XIST: variants seen among roughly 807,000 people sequenced by gnomAD.
XIST encodes the protein X inactive specific transcript (non-protein coding).
exon 1 of XIST, chrX:73,847,012 G>A (rs1241743387): frequency 1.8e-6 from 1 of 559,093 alleles, no homozygotes; most frequent in Admixed American, 2.2e-5. Context: ...CAGGAGTCCT[G>A]ATAAAAGGCA....
intron 3 of XIST, chrX:73,833,178 G>A: frequency 1.9e-6 from 1 of 527,414 alleles, no homozygotes; most frequent in Non-Finnish European, 3.4e-6. Flanking sequence ...TTAAAAAGGA[G>A]AGTTGTGGGA....
At chrX:73,841,570 G>C (rs748494937) in exon 1 of XIST, 1 of 558,284 alleles carries the variant, frequency 1.8e-6, no homozygotes, top group African/African-American at 2.2e-5. Context: ...ACATAATCCT[G>C]TGCCACAAAA....
exon 6 of XIST, chrX:73,824,936 A>G: frequency 1.9e-6 from 1 of 540,069 alleles, no homozygotes; most frequent in Non-Finnish European, 3.3e-6. Context: ...ATTTTACAGT[A>G]CCCAAAATAG....
exon 6 of XIST, chrX:73,823,838 A>G (rs778985349): frequency 1.1e-5 from 6 of 556,572 alleles, no homozygotes; most frequent in Middle Eastern, 3.1e-4. Flanking sequence ...TCTCACACCT[A>G]TATTACTTCA....
exon 1 of XIST, chrX:73,849,928 G>A (rs1216768853): frequency 1.8e-6 from 1 of 545,219 alleles, no homozygotes; most frequent in African/African-American, 2.3e-5. Flanking sequence ...GGGTTTGCTG[G>A]GAGCAGGGCT....
In XIST at chrX:73,851,533, G is replaced by C. The variant is rs1254471225; in HGVS notation, n.1191C>G. 10 of 559,054 alleles carry C rather than the reference G, an allele frequency of 1.8e-5. No homozygotes were observed. The South Asian group carries it at 2.2e-4, about 12-fold the overall frequency. The allele number at this position is 559,054 out of a possible 1,213,427, so 46.1% of individuals were successfully genotyped here. ...AACAAAGCACAGCCCGCCATGCTGA[G>C]CAATGCCGCAATGTCAAAATCGCCA... On this transcript the variant is annotated non_coding_transcript_exon_variant, in exon 1 of 6. Coordinates refer to ENST00000429829, the Ensembl canonical transcript of XIST.
exon 1 of XIST, chrX:73,844,329 A>G (rs769814046): frequency 3.4e-5 from 19 of 556,820 alleles, no homozygotes; most frequent in African/African-American, 3.1e-4. Context: ...TTGGACAAAT[A>G]TAAGAATCTT....
At chrX:73,827,300 C>T (rs376753224) in exon 6 of XIST, 28 of 556,393 alleles carry the variant, frequency 5.0e-5, no homozygotes, top group African/African-American at 5.0e-4. Context: ...CACACACACA[C>T]GTACACTTGC....
intron 3 of XIST, among the ~76,000 whole-genome samples, chrX:73,832,718 C>T (rs372234211): frequency 2.6e-4 from 29 of 111,436 alleles, no homozygotes; most frequent in African/African-American, 9.1e-4. Flanking sequence ...TGCTTTGCAT[C>T]TCTCATTCTT....
intron 3 of XIST, among the ~76,000 whole-genome samples, chrX:73,831,700 G>A (rs1922387839): frequency 9.0e-6 from 1 of 111,624 alleles, no homozygotes; most frequent in South Asian, 3.7e-4. Context: ...TCAACCAAGA[G>A]AGCCATGAAG....
intron 2 of XIST, among the ~76,000 whole-genome samples, chrX:73,834,986 T>C (rs1237986739): frequency 1.0e-5 from 1 of 98,268 alleles, no homozygotes; most frequent in African/African-American, 4.1e-5. Context: ...AGAGCAAAAC[T>C]CCGTCTCAAA....
exon 1 of XIST, chrX:73,841,496 T>C (rs372881131): frequency 1.8e-6 from 1 of 558,059 alleles, no homozygotes; most frequent in Non-Finnish European, 3.2e-6. Context: ...ACAATATTCT[T>C]TTTCAGTTAT....
At chrX:73,825,990 A>T in exon 6 of XIST, 1 of 558,764 alleles carries the variant, frequency 1.8e-6, no homozygotes, top group Non-Finnish European at 3.2e-6. Flanking sequence ...CAGTCCACCA[A>T]ATTATTTGGC....
exon 1 of XIST, chrX:73,846,089 G>A: frequency 1.8e-6 from 1 of 558,263 alleles, no homozygotes; most frequent in Non-Finnish European, 3.2e-6. Context: ...CCTGCCGGAA[G>A]GGAAAGGAAG....
chrX:73,845,693 T>G, exon 1 of XIST: 1 of 553,616 alleles, frequency 1.8e-6, no homozygotes, highest in East Asian at 3.3e-5. Context: ...TTACGCACAT[T>G]AATGTCCAAT....
At chrX:73,852,106 A>T (rs750692804) in exon 1 of XIST, 3 of 169,895 alleles carry the variant, frequency 1.8e-5, no homozygotes, top group East Asian at 1.4e-4. Flanking sequence ...AAGGAAAAAT[A>T]AAAAAAAAAA....
In XIST at chrX:73,845,498, G is replaced by A. The variant is rs185451823; in HGVS notation, n.7226C>T. 6.4e-4 allele frequency: 353 copies of A among 555,298 alleles called. 3 individuals carry two copies. In the African/African-American group the frequency reaches 6.9e-3, roughly 11 times the overall value. The allele number at this position is 555,298 out of a possible 1,213,427, so 45.8% of individuals were successfully genotyped here. A position where few individuals can be genotyped will look rare whatever the true frequency, so the allele number is the denominator to read the frequency against. On this transcript the variant is annotated non_coding_transcript_exon_variant, in exon 1 of 6. Coordinates refer to ENST00000429829, the Ensembl canonical transcript of XIST. Reference sequence around the variant, plus strand: ...GGAGTGGACACTCCCTGGTGGAAGGGAAAGGAAGATTGGAGGTGGGGTGTG... The same window carrying A: ...GGAGTGGACACTCCCTGGTGGAAGGAAAAGGAAGATTGGAGGTGGGGTGTG...
At chrX:73,843,037 T>C in exon 1 of XIST, 1 of 558,494 alleles carries the variant, frequency 1.8e-6, no homozygotes, top group Non-Finnish European at 3.2e-6. Flanking sequence ...GACAAGTGCA[T>C]GGAATACTCC....
chrX:73,833,418 T>C, intron 2 of XIST: 1 of 513,913 alleles, frequency 1.9e-6, no homozygotes, highest in Non-Finnish European at 3.5e-6. Flanking sequence ...AAAGCACCGG[T>C]AGGATACCAA....
Sources: allele counts gnomAD v4.1 joint callset (sites outside exome capture counted in the v4.1 genomes callset), GRCh38; gene constraint gnomAD v4.1.1; transcripts MANE v1.5; gene names NCBI Gene and HGNC (gene_info 2026-07-23, HGNC 2026-07-21).